Variants in OTOGL observed in about 807,000 individuals in gnomAD.
The protein encoded by OTOGL is otogelin like.
OTOGL carries 285 observed loss-of-function variants against 318.5 expected under a neutral mutation model. The observed-to-expected ratio is 0.89, with a 90% CI of 0.81 to 0.99. OTOGL has a LOEUF of 0.99. OTOGL is among the 50% of genes least tolerant of loss of function. The probability of loss-of-function intolerance (pLI) is 0.00; values close to 1 mark genes in which losing one functional copy is unlikely to be tolerated. For missense variants in OTOGL, 2,899 were observed against 2,845.6 expected (o/e 1.02, Z -0.43); for synonymous variants, 987 against 936.5 (o/e 1.05, Z -0.99).
chr12:80,102,209 A>T (rs866565095), intron 1 of OTOGL, among the ~76,000 whole-genome samples: 12 of 152,184 alleles, frequency 7.9e-5, no homozygotes, highest in African/African-American at 2.9e-4. Context: ...AATGTATAGA[A>T]TCTATCTCAC....
intron 9 of OTOGL, 33 bp from the exon 10 acceptor site, chr12:80,238,818 G>T: frequency 2.6e-6 from 2 of 779,414 alleles, no homozygotes; most frequent in Non-Finnish European, 3.4e-6. Flanking sequence ...ACACCTATTT[G>T]TGTGTGTGTG....
At chr12:80,325,530 G>A (rs1171089215) in intron 35 of OTOGL, among the ~76,000 whole-genome samples, 1 of 152,224 alleles carries the variant, frequency 6.6e-6, no homozygotes, top group Non-Finnish European at 1.5e-5. Context: ...GTAAGCATTA[G>A]TGCCAGGGTT....
At chr12:80,216,610 G>A (rs1241673096) in intron 4 of OTOGL, among the ~76,000 whole-genome samples, 1 of 152,142 alleles carries the variant, frequency 6.6e-6, no homozygotes, top group East Asian at 1.9e-4. Flanking sequence ...CACTATGTAT[G>A]TAAGCTTCAC....
intron 1 of OTOGL, among the ~76,000 whole-genome samples, chr12:80,205,346 C>T (rs564708056): frequency 4.6e-5 from 7 of 152,272 alleles, no homozygotes; most frequent in East Asian, 3.9e-4. Context: ...TACAAATCAA[C>T]GGCATCACAG....
intron 1 of OTOGL, among the ~76,000 whole-genome samples, chr12:80,121,252 T>C (rs969457369): frequency 2.6e-5 from 4 of 152,154 alleles, no homozygotes; most frequent in African/African-American, 9.7e-5. Context: ...AGGAGACTCA[T>C]GACAATCTCT....
chr12:80,309,371 T>C (rs1189536009), intron 29 of OTOGL, among the ~76,000 whole-genome samples: 1 of 152,108 alleles, frequency 6.6e-6, no homozygotes, highest in African/African-American at 2.4e-5. Context: ...GTGAATCTTA[T>C]AAGATTTATA....
At chr12:80,170,625 GGTTT>G (rs915509704) in intron 1 of OTOGL, among the ~76,000 whole-genome samples, 3 of 151,774 alleles carry the variant, frequency 2.0e-5, no homozygotes, top group African/African-American at 7.3e-5. Context: ...GAAGAGATGG[GGTTT>G]CACCATGTTG....
chr12:80,151,550 A>T (rs1376458276), intron 1 of OTOGL, among the ~76,000 whole-genome samples: 1 of 152,246 alleles, frequency 6.6e-6, no homozygotes, highest in Admixed American at 6.5e-5. Flanking sequence ...CATTAAAAGC[A>T]GAGTTCTATC....
intron 1 of OTOGL, among the ~76,000 whole-genome samples, chr12:80,147,225 A>AGT (rs1872445821): frequency 6.6e-6 from 1 of 150,554 alleles, no homozygotes; most frequent in Non-Finnish European, 1.5e-5. Context: ...CACTGCTTTG[A>AGT]ATGCGTCCCA....
At chr12:80,372,443 A>G (rs1479005153) in intron 57 of OTOGL, among the ~76,000 whole-genome samples, 2 of 152,154 alleles carry the variant, frequency 1.3e-5, no homozygotes, top group African/African-American at 4.8e-5. Context: ...TGTTTGAACC[A>G]TGCTGAACTT....
At position 80,320,407 on chromosome 12, in the gene OTOGL, C is replaced by A; in HGVS notation, c.3803-15C>A. ...TTCCTTCTCCTGAGAATCCACACTG[C>A]TCTATATTTTACAGCATTAGCACTT... On this transcript the variant is annotated splice_polypyrimidine_tract_variant and intron_variant, in intron 33 of 58. Coordinates refer to ENST00000547103, the MANE Select transcript of OTOGL (RefSeq NM_001378609.3). The A allele has an allele frequency of 2.5e-6, 4 of 1,601,516 alleles. No homozygotes were observed. The highest frequency in any genetic ancestry group is 3.4e-6 in the Non-Finnish European group (4 of 1,172,776).
intron 34 of OTOGL, among the ~76,000 whole-genome samples, chr12:80,322,115 T>C (rs1309670554): frequency 6.6e-6 from 1 of 152,130 alleles, no homozygotes; most frequent in Admixed American, 6.5e-5. Flanking sequence ...CCTCAGAACA[T>C]TTTGCAGTTG....
intron 26 of OTOGL, among the ~76,000 whole-genome samples, chr12:80,292,672 A>G (rs1346175738): frequency 6.6e-6 from 1 of 152,232 alleles, no homozygotes; most frequent in African/African-American, 2.4e-5. Flanking sequence ...ACGGTTAAAG[A>G]CACAATAGAC....
intron 27 of OTOGL, 67 bp from the exon 28 acceptor site, chr12:80,302,567 C>G: frequency 9.6e-7 from 1 of 1,036,622 alleles, no homozygotes; most frequent in Non-Finnish European, 1.2e-6. Flanking sequence ...GTTAACTAAA[C>G]TAATTTGATA....
In OTOGL at chr12:80,333,316, C is replaced by G. The variant is rs1592719198; in HGVS notation, c.4422+238C>G. On this transcript the variant is annotated intron_variant, in intron 38 of 58. Transcript: ENST00000547103. ...TGAAATAAGATCTTAAGTGTGATTCCTTAATAAAGAGTTATCTAGTATGGA... is the reference window on the plus strand; with the variant it reads ...TGAAATAAGATCTTAAGTGTGATTCGTTAATAAAGAGTTATCTAGTATGGA... Among the ~76,000 whole-genome samples, 4 of 150,764 alleles carry G rather than the reference C, an allele frequency of 2.7e-5. No homozygotes were observed. In the East Asian group the frequency reaches 7.7e-4, roughly 29 times the overall value.
Position 80,341,981 on chromosome 12 carries a change from G to A in OTOGL, c.5084G>A (p.Arg1695Lys). ...AATGAAGATCCGGATGATGATCTAA[G>A]GATGCAAAATGGCACAATTATTACA... ...ICNEDPDDDLRMQNGTIITNM... is the reference protein window; with the variant it reads ...ICNEDPDDDLKMQNGTIITNM... The change falls in exon 44 of 59, where the codon AGG (arginine) becomes AAG (lysine). Residue 1695 changes from arginine to lysine, a missense_variant. Physicochemically the swap from Arg to Lys is conservative, Grantham distance 26 (BLOSUM62 2). This residue lies in a region of OTOGL where 2,607 missense variants were observed against 2,524.9 expected (regional missense o/e 1.03). Transcript: ENST00000547103. The A allele has an allele frequency of 6.2e-7, 1 of 1,608,256 alleles. No individual in the cohort carries two copies. The highest frequency in any genetic ancestry group is 8.5e-7 in the Non-Finnish European group (1 of 1,176,672).
intron 24 of OTOGL, among the ~76,000 whole-genome samples, chr12:80,272,388 G>C (rs1257351377): frequency 7.9e-6 from 1 of 127,182 alleles, no homozygotes; most frequent in African/African-American, 2.9e-5. Flanking sequence ...GTGTGTGTGT[G>C]TATTTAAAAA....
Position 80,356,814 on chromosome 12 carries a change from C to T in OTOGL, c.5919C>T (p.Asp1973=), listed in dbSNP as rs765805043. Residue 1973 remains aspartate, a synonymous_variant, in exon 49 of 59, where the codon GAC becomes GAT. Coordinates refer to ENST00000547103, the MANE Select transcript of OTOGL (RefSeq NM_001378609.3). ...GTAATTTTGTTTCTGCAGAATGTGA[C>T]CCATTGAAATGCCCCAGTATTTCAA... The part of the protein sequence containing the change: ...SCCPQYKCEC[D]PLKCPSISTP... 6.3e-7 allele frequency: 1 copy of T among 1,588,390 alleles called. No individual in the cohort carries two copies. The highest frequency in any genetic ancestry group is 1.2e-5 in the South Asian group (1 of 86,204).
In OTOGL at chr12:80,217,666, T is replaced by G; in HGVS notation, c.235+2T>G. On this transcript the variant is annotated splice_donor_variant, in intron 5 of 58. Transcript: ENST00000547103. LOFTEE classifies it high-confidence loss of function. ...ATTGGGGTGAGAGCAAAATAAAAGG[T>G]CAGTGTTTATACTTAGGTTTTCATA... The G allele has an allele frequency of 1.3e-6, 2 of 1,517,876 alleles. No individual in the cohort carries two copies. The highest frequency in any genetic ancestry group is 2.4e-5 in the South Asian group (2 of 85,062). 94.0% of individuals were successfully genotyped at this position (1,517,876 alleles called of 1,614,324 possible).
Sources: gnomAD v4.1 joint callset for allele counts (sites outside exome capture counted in the v4.1 genomes callset) on GRCh38, gnomAD v4.1.1 for gene constraint, gnomAD v4.1.1 regional missense constraint, MANE v1.5 for transcripts, NCBI Gene and HGNC (gene_info 2026-07-23, HGNC 2026-07-21) for gene names.